The following LINC00237 variants were observed in gnomAD, a reference collection of about 807,000 sequenced individuals.
The protein encoded by LINC00237 is long intergenic non-protein coding RNA 237.
chr20:21,092,371 A>T (rs1198109012), intron 2 of LINC00237, among the ~76,000 whole-genome samples: 1 of 152,228 alleles, frequency 6.6e-6, no homozygotes, highest in Non-Finnish European at 1.5e-5. Flanking sequence ...GGTAACTTTC[A>T]ATAACTAGGA....
In LINC00237 at chr20:21,101,750, C is replaced by A. The variant is rs1211070377; in HGVS notation, n.88+4521G>T. Among the ~76,000 whole-genome samples the A allele has an allele frequency of 6.6e-6, 1 of 152,254 alleles. No homozygotes were observed. The highest frequency in any genetic ancestry group is 1.5e-5 in the Non-Finnish European group (1 of 68,040). On this transcript the variant is annotated intron_variant and non_coding_transcript_variant, in intron 1 of 3. Transcript: ENST00000691244. The surrounding 1 kb of genome is among the most constrained non-coding windows in gnomAD (Gnocchi z 4.3). ...AAAAGCTGTCACGATTGGGCTTGGGCTTGGGCTTGGCCTTGGTCAAGAAAG... is the reference window on the plus strand; with the variant it reads ...AAAAGCTGTCACGATTGGGCTTGGGATTGGGCTTGGCCTTGGTCAAGAAAG...
chr20:21,098,182 G>T (rs891988941), intron 1 of LINC00237, among the ~76,000 whole-genome samples: 1 of 152,118 alleles, frequency 6.6e-6, no homozygotes, highest in African/African-American at 2.4e-5. Context: ...GTTCCCCAAA[G>T]GATTGAAAAT....
At chr20:21,103,832 G>C (rs1411614699) in intron 1 of LINC00237, among the ~76,000 whole-genome samples, 2 of 152,192 alleles carry the variant, frequency 1.3e-5, no homozygotes, top group African/African-American at 2.4e-5. Flanking sequence ...TCTTGCAGGT[G>C]TCCGAAATCA....
chr20:21,097,744 T>G (rs1464075226), intron 1 of LINC00237, among the ~76,000 whole-genome samples: 1 of 152,216 alleles, frequency 6.6e-6, no homozygotes, highest in Non-Finnish European at 1.5e-5. Context: ...TTTCCTGTTA[T>G]GCTCAACAAA....
intron 1 of LINC00237, among the ~76,000 whole-genome samples, chr20:21,100,290 G>T (rs1173110143): frequency 2.6e-5 from 4 of 152,208 alleles, no homozygotes; most frequent in Admixed American, 6.5e-5. Context: ...GTACACCTGC[G>T]GGCGGCGGCA....
chr20:21,092,574 G>C (rs986517163), intron 2 of LINC00237, among the ~76,000 whole-genome samples: 1 of 152,162 alleles, frequency 6.6e-6, no homozygotes, highest in African/African-American at 2.4e-5. Flanking sequence ...ATTCCTCTCT[G>C]TTATGGCTTA....
intron 1 of LINC00237, among the ~76,000 whole-genome samples, chr20:21,102,770 C>T (rs867745819): frequency 4.0e-5 from 6 of 151,760 alleles, no homozygotes; most frequent in Non-Finnish European, 8.8e-5. Context: ...AATTGTCACT[C>T]AGTTGAACAG....
chr20:21,096,063 C>G (rs1046798840), intron 1 of LINC00237, among the ~76,000 whole-genome samples: 1 of 152,202 alleles, frequency 6.6e-6, no homozygotes, highest in Non-Finnish European at 1.5e-5. Flanking sequence ...CATTCCCTTA[C>G]TGGTGTTTCC....
At chr20:21,089,592 A>T (rs1232962337) in intron 2 of LINC00237, 1 of 152,118 alleles carries the variant, frequency 6.6e-6, no homozygotes, top group Non-Finnish European at 1.5e-5. Context: ...GGCTGGAGGG[A>T]TGTCTAGTAA....
exon 4 of LINC00237, among the ~76,000 whole-genome samples, chr20:21,085,848 C>T (rs2030685081): frequency 6.6e-6 from 1 of 152,138 alleles, no homozygotes; most frequent in Non-Finnish European, 1.5e-5. Context: ...GTGATTTTAG[C>T]CTGCCACAAT....
chr20:21,087,881 C>T (rs1162043278), intron 3 of LINC00237: 4 of 152,130 alleles, frequency 2.6e-5, no homozygotes, highest in Non-Finnish European at 5.9e-5. Context: ...AGGGAACTAG[C>T]GTGGATTCAC....
intron 2 of LINC00237, chr20:21,093,024 C>G (rs1381970265): frequency 6.6e-6 from 1 of 152,176 alleles, no homozygotes; most frequent in Non-Finnish European, 1.5e-5. Context: ...AGAATTAAAA[C>G]CCGGATGTGA....
intron 1 of LINC00237, among the ~76,000 whole-genome samples, chr20:21,100,955 C>T (rs536098149): frequency 2.1e-4 from 32 of 152,294 alleles, no homozygotes; most frequent in African/African-American, 7.2e-4. Context: ...CACGACGCGC[C>T]GCCTTTCAGC....
intron 2 of LINC00237, among the ~76,000 whole-genome samples, chr20:21,088,436 C>T (rs1018816147): frequency 9.9e-5 from 15 of 152,184 alleles, no homozygotes; most frequent in African/African-American, 3.6e-4. Context: ...AAACGCTATA[C>T]TATTACTACA....
chr20:21,087,984 G>A (rs2030736793), exon 3 of LINC00237: 1 of 152,088 alleles, frequency 6.6e-6, no homozygotes, highest in South Asian at 2.1e-4. Flanking sequence ...AAACTTTAAG[G>A]GGAGCAGCAA....
chr20:21,091,180 C>A (rs1165383348), intron 2 of LINC00237, among the ~76,000 whole-genome samples: 1 of 103,142 alleles, frequency 9.7e-6, no homozygotes, highest in Non-Finnish European at 1.9e-5. Flanking sequence ...CACTCACACT[C>A]ACACACACAC....
At chr20:21,099,887 C>A (rs1474890923) in intron 1 of LINC00237, among the ~76,000 whole-genome samples, 3 of 152,112 alleles carry the variant, frequency 2.0e-5, no homozygotes, top group African/African-American at 7.2e-5. Flanking sequence ...AATTATTAAC[C>A]GCACAGATGT....
intron 1 of LINC00237, among the ~76,000 whole-genome samples, chr20:21,097,470 A>C (rs1232931009): frequency 1.3e-5 from 2 of 152,222 alleles, no homozygotes; most frequent in Non-Finnish European, 2.9e-5. Flanking sequence ...AATTTAAAAA[A>C]AAAATCCTTT....
chr20:21,105,921 G>T (rs566210982), intron 1 of LINC00237, among the ~76,000 whole-genome samples: 28 of 152,286 alleles, frequency 1.8e-4, no homozygotes, highest in African/African-American at 6.5e-4. Context: ...CCGCCACCTC[G>T]GCCCGGCCTG....
Sources: allele counts gnomAD v4.1 joint callset (sites outside exome capture counted in the v4.1 genomes callset), GRCh38; gene constraint gnomAD v4.1.1; non-coding constraint Gnocchi (gnomAD v3.1); transcripts MANE v1.5; gene names NCBI Gene and HGNC (gene_info 2026-07-23, HGNC 2026-07-21).